The following OLFM4 variants were observed in gnomAD, a reference collection of about 807,000 sequenced individuals.
OLFM4 encodes olfactomedin-4.
A neutral mutation model predicts 25.5 loss-of-function variants in OLFM4; 22 were observed. The observed-to-expected ratio is 0.86, with a 90% CI of 0.62 to 1.23. The LOEUF (loss-of-function observed/expected upper bound fraction) is 1.23, where lower values mean the gene tolerates loss of function less well. Among genes scored for constraint, OLFM4 ranks in the 50% most tolerant of loss-of-function variants. The pLI, the probability that OLFM4 is intolerant of heterozygous loss-of-function variation, is 0.00. For synonymous variants in OLFM4, 255 were observed against 237.7 expected, an observed-to-expected ratio of 1.07 and a Z score of -0.67; for missense variants, 594 against 619.4, an observed-to-expected ratio of 0.96 and a Z score of 0.44.
intron 2 of OLFM4, among the ~76,000 whole-genome samples, chr13:53,039,000 C>T (rs1226241620): frequency 6.6e-6 from 1 of 152,186 alleles, no homozygotes; most frequent in Admixed American, 6.5e-5. Context: ...TGGATCTTTA[C>T]AGACCCTTCA....
rs2138244700 is a variant in OLFM4 at position 53,050,998 on chromosome 13, G to T, written c.*227G>T. The T allele has an allele frequency of 2.0e-6, 1 of 491,078 alleles. No individual in the cohort carries two copies. Among genetic ancestry groups the T allele is most frequent in the East Asian group, 3.3e-5 (1 of 30,704 alleles). 30.4% of individuals were successfully genotyped at this position (491,078 alleles called of 1,614,324 possible). The stretch of plus-strand genomic sequence containing the variant: ...TTTTGCAATAAAGTCTGTCTAGGGT[G>T]GGATTGTCAGAGGTCTAGGGGCACT... On this transcript the variant is annotated 3_prime_UTR_variant, in exon 5 of 5. Coordinates refer to ENST00000219022, the MANE Select transcript of OLFM4 (RefSeq NM_006418.5).
chr13:53,034,092 TG>T (rs1173988786), intron 1 of OLFM4, among the ~76,000 whole-genome samples: 2 of 132,972 alleles, frequency 1.5e-5, no homozygotes, highest in Non-Finnish European at 3.2e-5. Flanking sequence ...GCCTCGAGAA[TG>T]GGGAATCTTC....
intron 4 of OLFM4, among the ~76,000 whole-genome samples, chr13:53,044,943 C>T (rs535098178): frequency 6.6e-6 from 1 of 152,252 alleles, no homozygotes; most frequent in Admixed American, 6.5e-5. Context: ...CTATGCATCC[C>T]TTAGAATGAG....
intron 1 of OLFM4, among the ~76,000 whole-genome samples, chr13:53,030,521 T>C (rs1055053027): frequency 1.3e-5 from 2 of 152,172 alleles, no homozygotes; most frequent in African/African-American, 4.8e-5. Flanking sequence ...CAGGCTGGTC[T>C]CGAACTCCTG....
intron 2 of OLFM4, among the ~76,000 whole-genome samples, chr13:53,035,604 A>G (rs778345958): frequency 2.6e-5 from 4 of 152,076 alleles, no homozygotes; most frequent in African/African-American, 4.8e-5. Context: ...CCCCACTTCC[A>G]TCCTCACCCT....
chr13:53,040,010 G>A (rs1954679243), intron 2 of OLFM4, among the ~76,000 whole-genome samples: 1 of 152,150 alleles, frequency 6.6e-6, no homozygotes, highest in African/African-American at 2.4e-5. Flanking sequence ...GCCAACATCT[G>A]GCTCTAAATT....
At chr13:53,037,645 A>G (rs897307132) in intron 2 of OLFM4, among the ~76,000 whole-genome samples, 3 of 152,176 alleles carry the variant, frequency 2.0e-5, no homozygotes, top group Non-Finnish European at 4.4e-5. Context: ...TAAAGAAATT[A>G]AGTGATTTGC....
rs1954745042 is a variant in OLFM4 at position 53,050,905 on chromosome 13, C to T, written c.*134C>T. ...TGTTTAGGTGCATAGTTCTACCACA[C>T]TAGAGATCTAGGACATTTGTCTTGA... On this transcript the variant is annotated 3_prime_UTR_variant, in exon 5 of 5. Transcript: ENST00000219022. 2.9e-6 allele frequency: 2 copies of T among 700,628 alleles called. No individual in the cohort carries two copies. The highest frequency in any genetic ancestry group is 2.7e-5 in the East Asian group (1 of 36,784). 43.4% of individuals were successfully genotyped at this position (700,628 alleles called of 1,614,324 possible). A position where few individuals can be genotyped will look rare whatever the true frequency, so the allele number is the denominator to read the frequency against.
chr13:53,033,412 A>C (rs1389284172), intron 1 of OLFM4, among the ~76,000 whole-genome samples: 2 of 152,232 alleles, frequency 1.3e-5, no homozygotes, highest in African/African-American at 4.8e-5. Context: ...ATGAGAGGAT[A>C]TGAATTTGCA....
chr13:53,029,442 G>T (rs1353072525), intron 1 of OLFM4, among the ~76,000 whole-genome samples: 2 of 152,170 alleles, frequency 1.3e-5, no homozygotes, highest in African/African-American at 4.8e-5. Flanking sequence ...TCCAAGATGG[G>T]AACTGTTAGG....
chr13:53,029,670 A>T (rs1327045081), intron 1 of OLFM4, among the ~76,000 whole-genome samples: 2 of 152,222 alleles, frequency 1.3e-5, no homozygotes, highest in East Asian at 3.8e-4. Context: ...ACCAGTGGAC[A>T]TTCGCCTAGG....
intron 1 of OLFM4, 150 bp downstream of exon 1, chr13:53,029,190 T>A: frequency 8.4e-7 from 1 of 1,183,458 alleles, no homozygotes; most frequent in Non-Finnish European, 1.2e-6. Context: ...GGAAATGAAT[T>A]AAAGCCTCAG....
Position 53,034,394 on chromosome 13 carries a change from A to C in OLFM4, c.251A>C (p.Gln84Pro), listed in dbSNP as rs1593477907. Residue 84 changes from glutamine (Q) to proline (P), a missense_variant, in exon 2 of 5, where the codon CAG (glutamine) becomes CCG (proline). Transcript: ENST00000219022. ...TGSVDDRGTCQCSVSLPDTTF... is the reference protein window; with the variant it reads ...TGSVDDRGTCPCSVSLPDTTF... ...TCCGTGGATGACCGTGGGACCTGCC[A>C]GTGCTCTGTTTCCCTGCCAGACACC... 1 of 1,614,118 alleles carries C rather than the reference A, an allele frequency of 6.2e-7. No individual in the cohort carries two copies. Among genetic ancestry groups the C allele is most frequent in the South Asian group, 1.1e-5 (1 of 91,062 alleles).
chr13:53,048,800 G>A (rs1954728854), intron 4 of OLFM4, among the ~76,000 whole-genome samples: 2 of 152,122 alleles, frequency 1.3e-5, no homozygotes, highest in African/African-American at 4.8e-5. Flanking sequence ...CTGAGCAGCA[G>A]GACGAGGGAA....
chr13:53,029,429 T>A (rs1954617027), intron 1 of OLFM4, among the ~76,000 whole-genome samples: 1 of 152,190 alleles, frequency 6.6e-6, no homozygotes, highest in Admixed American at 6.5e-5. Flanking sequence ...TTCTAATATA[T>A]AGTCCAAGAT....
At position 53,043,110 on chromosome 13, in the gene OLFM4, A is replaced by G. The variant is rs759133822; in HGVS notation, c.576A>G (p.Arg192=). Residue 192 remains arginine, a synonymous_variant, in exon 4 of 5, where the codon AGA becomes AGG. Transcript: ENST00000219022. ...CTGAATTTTTATTTCCTTAGATAAG[A>G]AATATGACTCTCTTGGTAGAGAAGC... ...EIVDQLEVEI[R]NMTLLVEKLE... 15 of 1,591,406 alleles carry G rather than the reference A, an allele frequency of 9.4e-6. No homozygotes were observed. In the East Asian group the frequency reaches 3.4e-4, roughly 36 times the overall value.
intron 2 of OLFM4, among the ~76,000 whole-genome samples, chr13:53,039,777 C>T (rs755109068): frequency 5.3e-5 from 8 of 152,144 alleles, no homozygotes; most frequent in Admixed American, 1.3e-4. Context: ...TGTCATCCTC[C>T]GAGTTATGGT....
intron 2 of OLFM4, among the ~76,000 whole-genome samples, 160 bp downstream of exon 2, chr13:53,034,660 C>A (rs1369322552): frequency 1.3e-5 from 2 of 152,110 alleles, no homozygotes; most frequent in Non-Finnish European, 2.9e-5. Flanking sequence ...CAATGGAGTT[C>A]TTATTAAGGC....
rs78516121 is a variant in OLFM4 at position 53,031,980 on chromosome 13, G to A, written c.205-2368G>A. Among the ~76,000 whole-genome samples the A allele has an allele frequency of 1.7e-3, 255 of 152,344 alleles. 1 individual carries two copies. Among genetic ancestry groups the A allele is most frequent in the African/African-American group, 5.9e-3 (246 of 41,570 alleles). ...CATTAGCTTCATTGTCTTTGAATGC[G>A]AGGAGCAGAAATATCTCTAATGGGA... On this transcript the variant is annotated intron_variant, in intron 1 of 4. Transcript: ENST00000219022.
Sources: allele counts gnomAD v4.1 joint callset (sites outside exome capture counted in the v4.1 genomes callset), GRCh38; gene constraint gnomAD v4.1.1; transcripts MANE v1.5; gene names NCBI Gene and HGNC (gene_info 2026-07-23, HGNC 2026-07-21).